The following TEKTL1 variants were observed in gnomAD, a reference collection of about 807,000 sequenced individuals.
TEKTL1 encodes tektin like 1.
At chr19:15,023,089 G>A in the TEKTL1 span, 4 of 1,607,856 alleles carry the variant, frequency 2.5e-6, no homozygotes, top group South Asian at 4.4e-5. Flanking sequence ...GCACGCCGCC[G>A]CCGCGCAGCA....
the TEKTL1 span, chr19:15,010,736 C>G: frequency 1.5e-6 from 2 of 1,378,686 alleles, no homozygotes; most frequent in African/African-American, 1.4e-5. Flanking sequence ...AGTACACTGT[C>G]TCTACAGGCC....
chr19:15,011,233 C>G, the TEKTL1 span: 2 of 1,482,922 alleles, frequency 1.3e-6, no homozygotes, highest in Non-Finnish European at 1.8e-6. Flanking sequence ...CGCGCCTCAC[C>G]GCCGCCCGCC....
the TEKTL1 span, chr19:15,011,336 G>C: frequency 1.3e-6 from 2 of 1,490,364 alleles, no homozygotes; most frequent in African/African-American, 1.5e-5. Flanking sequence ...AGTGCGCAAG[G>C]GTCTGCTTAT....
chr19:15,010,728 T>A, the TEKTL1 span: 2 of 1,340,400 alleles, frequency 1.5e-6, no homozygotes, highest in African/African-American at 2.9e-5. Context: ...GCGCTCTCAG[T>A]ACACTGTCTC....
the TEKTL1 span, chr19:15,011,184 T>G: frequency 6.7e-7 from 1 of 1,488,460 alleles, no homozygotes; most frequent in African/African-American, 1.4e-5. Context: ...GCGCGCGCCC[T>G]GCAGACCACC....
chr19:15,018,732 A>ATATATATATATATATT, the TEKTL1 span, among the ~76,000 whole-genome samples: 73 of 78,628 alleles, frequency 9.3e-4, 15 homozygotes, highest in Non-Finnish European at 1.6e-3. Flanking sequence ...ATATATATAT[A>ATATATATATATATATT]ACTTCCCTGG....
At chr19:15,021,757 G>A in the TEKTL1 span, 13 of 1,611,424 alleles carry the variant, frequency 8.1e-6, no homozygotes, top group East Asian at 2.2e-5. Context: ...CAGGGGTGCC[G>A]GTGGCTGGAG....
At chr19:15,017,709 C>T in the TEKTL1 span, among the ~76,000 whole-genome samples, 2 of 152,132 alleles carry the variant, frequency 1.3e-5, no homozygotes, top group Non-Finnish European at 2.9e-5. Flanking sequence ...AGGCTCTTTT[C>T]TCAGGGTGCC....
the TEKTL1 span, chr19:15,021,903 C>G: frequency 1.2e-6 from 2 of 1,613,670 alleles, no homozygotes; most frequent in Non-Finnish European, 8.5e-7. Flanking sequence ...CTCCCGGAGG[C>G]TGCGCGCCTC....
chr19:15,022,636 GTTA>G, the TEKTL1 span, among the ~76,000 whole-genome samples: 1 of 151,634 alleles, frequency 6.6e-6, no homozygotes, highest in African/African-American at 2.4e-5. Flanking sequence ...GCCCTGAGCT[GTTA>G]TTATTAAGTA....
At chr19:15,019,491 GC>G in the TEKTL1 span, among the ~76,000 whole-genome samples, 3 of 152,088 alleles carry the variant, frequency 2.0e-5, no homozygotes, top group South Asian at 2.1e-4. Flanking sequence ...CACATTGCAT[GC>G]CATAAATATA....
chr19:15,011,315 A>G, the TEKTL1 span: 2 of 1,521,620 alleles, frequency 1.3e-6, no homozygotes, highest in Non-Finnish European at 1.8e-6. Context: ...CACCGACCAC[A>G]GGCTCAGCGA....
the TEKTL1 span, among the ~76,000 whole-genome samples, chr19:15,016,351 G>C: frequency 6.6e-6 from 1 of 151,928 alleles, no homozygotes; most frequent in Non-Finnish European, 1.5e-5. Context: ...CAGCACACCC[G>C]GCTAATTTTT....
chr19:15,018,278 C>T, the TEKTL1 span, among the ~76,000 whole-genome samples: 4 of 152,060 alleles, frequency 2.6e-5, no homozygotes, highest in South Asian at 2.1e-4. Context: ...CCTTTGAACC[C>T]GGGAGGCAGA....
the TEKTL1 span, among the ~76,000 whole-genome samples, chr19:15,014,731 C>CGGGGGGGGG: frequency 8.5e-5 from 1 of 11,776 alleles, no homozygotes; most frequent in African/African-American, 4.5e-4. Flanking sequence ...AGTGGGGGGG[C>CGGGGGGGGG]GGGGGGCGGG....
the TEKTL1 span, chr19:15,022,948 C>A: frequency 6.2e-7 from 1 of 1,612,682 alleles, no homozygotes; most frequent in South Asian, 1.1e-5. Context: ...ACAAGAACCT[C>A]AGCTGGGGCC....
At chr19:15,011,772 C>T in the TEKTL1 span, among the ~76,000 whole-genome samples, 1 of 151,430 alleles carries the variant, frequency 6.6e-6, no homozygotes, top group African/African-American at 2.4e-5. Flanking sequence ...AGAGAGAACA[C>T]CCAACTCCGG....
At chr19:15,022,763 T>C in the TEKTL1 span, 3 of 1,187,378 alleles carry the variant, frequency 2.5e-6, no homozygotes, top group Non-Finnish European at 3.5e-6. Context: ...TTCAGATGTG[T>C]TCCCCTCCTC....
At chr19:15,018,308 C>T in the TEKTL1 span, among the ~76,000 whole-genome samples, 48 of 152,114 alleles carry the variant, frequency 3.2e-4, 1 homozygote, top group Admixed American at 6.5e-5. Context: ...GAGCCAAGAT[C>T]GCACCATTGC....
Sources: allele counts gnomAD v4.1 joint callset (sites outside exome capture counted in the v4.1 genomes callset), GRCh38; gene constraint gnomAD v4.1.1; transcripts MANE v1.5; gene names NCBI Gene and HGNC (gene_info 2026-07-23, HGNC 2026-07-21).